ASIC2: variants seen among roughly 807,000 people sequenced by gnomAD.
ASIC2 encodes the protein acid-sensing ion channel 2.
In ASIC2, 25 loss-of-function variants were observed where a neutral mutation model predicts 57.3. The observed-to-expected ratio is 0.44, with a 90% CI of 0.32 to 0.61. The LOEUF (loss-of-function observed/expected upper bound fraction) is 0.61, where lower values mean the gene tolerates loss of function less well. Ranked by LOEUF, ASIC2 falls within the 20% of genes least tolerant of loss-of-function variation. ASIC2 has a pLI of 0.06. For missense variants in ASIC2, 641 were observed against 738.1 expected, an observed-to-expected ratio of 0.87 and a Z score of 1.52; for synonymous variants, 319 against 307.5, an observed-to-expected ratio of 1.04 and a Z score of -0.39.
chr17:34,110,680 T>G (rs1409952909), intron 1 of ASIC2, among the ~76,000 whole-genome samples: 1 of 152,176 alleles, frequency 6.6e-6, no homozygotes, highest in Non-Finnish European at 1.5e-5. Flanking sequence ...GGCTTTGCAA[T>G]GTCTACCAAG....
At chr17:33,046,008 G>A (rs2091952888) in intron 3 of ASIC2, among the ~76,000 whole-genome samples, 1 of 152,222 alleles carries the variant, frequency 6.6e-6, no homozygotes, top group Admixed American at 6.5e-5. Flanking sequence ...ACTAAGGTGT[G>A]AATGAAGCCT....
intron 1 of ASIC2, among the ~76,000 whole-genome samples, chr17:34,086,116 TTTAA>T (rs1237990454): frequency 3.4e-5 from 5 of 148,892 alleles, no homozygotes; most frequent in Non-Finnish European, 7.5e-5. Context: ...TTCTAGTTCT[TTTAA>T]TTGTGATGTT....
intron 1 of ASIC2, among the ~76,000 whole-genome samples, chr17:34,049,136 T>A (rs1597993367): frequency 1.3e-5 from 2 of 151,804 alleles, no homozygotes; most frequent in East Asian, 1.9e-4. Context: ...TACAAAAAAA[T>A]TAAAAATTAG....
chr17:33,884,113 G>C (rs952731068), intron 1 of ASIC2, among the ~76,000 whole-genome samples: 1 of 152,190 alleles, frequency 6.6e-6, no homozygotes, highest in African/African-American at 2.4e-5. Flanking sequence ...TGTGTCCGGC[G>C]CTGGGTGTCA....
chr17:33,596,336 C>G (rs976910834), intron 1 of ASIC2, among the ~76,000 whole-genome samples: 3 of 152,116 alleles, frequency 2.0e-5, no homozygotes, highest in African/African-American at 7.2e-5. Context: ...TATTTAAACT[C>G]CCAGGAAAAT....
intron 1 of ASIC2, among the ~76,000 whole-genome samples, chr17:33,882,882 A>G (rs1046562542): frequency 3.9e-5 from 6 of 152,208 alleles, no homozygotes; most frequent in African/African-American, 1.2e-4. Flanking sequence ...ATGATAGACT[A>G]GATTAAGAAA....
intron 1 of ASIC2, among the ~76,000 whole-genome samples, chr17:33,216,865 T>C (rs1314757892): frequency 1.1e-4 from 16 of 152,064 alleles, no homozygotes; most frequent in Non-Finnish European, 2.1e-4. Flanking sequence ...TGGGTGAGCA[T>C]AGAGAGAACC....
chr17:33,277,384 G>C (rs942253259), intron 1 of ASIC2, among the ~76,000 whole-genome samples: 4 of 152,154 alleles, frequency 2.6e-5, no homozygotes, highest in Non-Finnish European at 5.9e-5. Flanking sequence ...GGGTAACCTC[G>C]GGCAAGTCAA....
chr17:33,489,009 T>C (rs561492229), intron 1 of ASIC2, among the ~76,000 whole-genome samples: 64 of 152,236 alleles, frequency 4.2e-4, no homozygotes, highest in African/African-American at 1.4e-3. Flanking sequence ...CCTAGGCCAC[T>C]GTGTCTTCAA....
At chr17:33,719,321 A>G (rs1909315587) in intron 1 of ASIC2, among the ~76,000 whole-genome samples, 3 of 152,182 alleles carry the variant, frequency 2.0e-5, no homozygotes, top group Admixed American at 1.3e-4. Context: ...CTGGTGAGCC[A>G]GGACCCAGGA....
In ASIC2 at chr17:33,830,628, C is replaced by T. The variant is rs114385917; in HGVS notation, c.555+325350G>A. On this transcript the variant is annotated intron_variant, in intron 1 of 9. Coordinates refer to the ASIC2 transcript ENST00000359872. ...TTGTTACATAGGTATACATGGGCCA[C>T]GGTGGTTTCCTGCACCTATCAACCT... Among the ~76,000 whole-genome samples the T allele has an allele frequency of 8.8e-3, 1,332 of 152,060 alleles. 17 individuals are homozygous for T. Among genetic ancestry groups the T allele is most frequent in the African/African-American group, 0.03 (1,239 of 41,462 alleles).
At chr17:33,892,072 G>A (rs1914975306) in intron 1 of ASIC2, among the ~76,000 whole-genome samples, 1 of 152,132 alleles carries the variant, frequency 6.6e-6, no homozygotes, top group Non-Finnish European at 1.5e-5. Flanking sequence ...TGTCCAGTAG[G>A]TGTCTGGAAT....
rs1348139720 is a variant in ASIC2, at chr17:33,192,118, G to A, written c.709-80051C>T. ...AAGCTATACATGGATTCAAAAGAGT[G>A]CTTGGACATTTATGAAAGATGGAGC... On this transcript the variant is annotated intron_variant, in intron 1 of 9. Transcript: ENST00000225823. Among the ~76,000 whole-genome samples, 7 of 152,108 alleles carry A rather than the reference G, an allele frequency of 4.6e-5. No homozygotes were observed. The East Asian group carries it at 9.6e-4, about 21-fold the overall frequency.
rs936416154 is a variant in ASIC2 at position 33,761,298 on chromosome 17, G to C, written c.555+394680C>G. On this transcript the variant is annotated intron_variant, in intron 1 of 9. Transcript: ENST00000359872. The stretch of plus-strand genomic sequence containing the variant: ...TGTTAAAATCCAGAGGGAACTGAGT[G>C]GTGCTTGGATTGAATCTGCTGGTTG... Among the ~76,000 whole-genome samples the C allele has an allele frequency of 2.6e-5, 4 of 152,258 alleles. No homozygotes were observed. In the South Asian group the frequency reaches 8.3e-4, roughly 32 times the overall value.
chr17:33,754,095 C>T (rs1429306003), intron 1 of ASIC2, among the ~76,000 whole-genome samples: 1 of 152,086 alleles, frequency 6.6e-6, no homozygotes, highest in African/African-American at 2.4e-5. Flanking sequence ...TACTGATTCC[C>T]TTCCTCCACC....
intron 1 of ASIC2, among the ~76,000 whole-genome samples, chr17:33,639,926 G>A (rs1906502876): frequency 6.6e-6 from 1 of 152,112 alleles, no homozygotes. Flanking sequence ...TAGGAGAGAT[G>A]GAAAATAGTC....
chr17:33,413,794 C>G (rs1162293828), intron 1 of ASIC2, among the ~76,000 whole-genome samples: 1 of 152,244 alleles, frequency 6.6e-6, no homozygotes, highest in Non-Finnish European at 1.5e-5. Flanking sequence ...GAGACTGGAT[C>G]AGGCCCACCT....
intron 3 of ASIC2, among the ~76,000 whole-genome samples, chr17:33,059,223 T>C (rs2092010888): frequency 6.6e-6 from 1 of 152,210 alleles, no homozygotes; most frequent in African/African-American, 2.4e-5. Context: ...GTTTGTTACA[T>C]ATGTATACAT....
At chr17:33,254,593 C>T (rs2142136481) in intron 1 of ASIC2, among the ~76,000 whole-genome samples, 1 of 152,252 alleles carries the variant, frequency 6.6e-6, no homozygotes, top group African/African-American at 2.4e-5. Flanking sequence ...CCCCTCTTCT[C>T]CATCTAGTTG....
Sources: gnomAD v4.1 joint callset for allele counts (sites outside exome capture counted in the v4.1 genomes callset) on GRCh38, gnomAD v4.1.1 for gene constraint, MANE v1.5 for transcripts, NCBI Gene and HGNC (gene_info 2026-07-23, HGNC 2026-07-21) for gene names.